Variants in PRKCB observed in about 807,000 individuals in gnomAD.
PRKCB encodes protein kinase C beta type.
A neutral mutation model predicts 81.5 loss-of-function variants in PRKCB; 13 were observed. The ratio of observed to expected loss-of-function variants is 0.16; its 90% CI spans 0.10 to 0.25. The LOEUF (loss-of-function observed/expected upper bound fraction) is 0.25, where lower values mean the gene tolerates loss of function less well. PRKCB is among the 10% of genes least tolerant of loss of function. PRKCB has a pLI of 1.00. For missense variants in PRKCB, 509 were observed against 875.7 expected, an observed-to-expected ratio of 0.58 and a Z score of 5.29; for synonymous variants, 335 against 321.4, an observed-to-expected ratio of 1.04 and a Z score of -0.45.
At chr16:24,082,016 GT>G (rs1348248548) in intron 5 of PRKCB, among the ~76,000 whole-genome samples, 5 of 152,110 alleles carry the variant, frequency 3.3e-5, no homozygotes, top group Non-Finnish European at 4.4e-5. Context: ...TAATGAGTGA[GT>G]TTAGCTGGGT....
chr16:24,004,617 T>G (rs1032760746), intron 3 of PRKCB, among the ~76,000 whole-genome samples: 5 of 152,110 alleles, frequency 3.3e-5, no homozygotes, highest in Non-Finnish European at 7.4e-5. Context: ...ATTGCACCAC[T>G]GCACTCCAGC....
At chr16:24,137,156 T>C (rs1342256084) in intron 9 of PRKCB, among the ~76,000 whole-genome samples, 2 of 152,024 alleles carry the variant, frequency 1.3e-5, no homozygotes, top group African/African-American at 4.8e-5. Flanking sequence ...CCCAAAGTGC[T>C]GGGATTACAG....
At chr16:24,166,413 T>G (rs1249318808) in intron 10 of PRKCB, among the ~76,000 whole-genome samples, 2 of 152,210 alleles carry the variant, frequency 1.3e-5, no homozygotes, top group African/African-American at 4.8e-5. Context: ...TGCATCATAA[T>G]CTGGTCTTAC....
intron 2 of PRKCB, among the ~76,000 whole-genome samples, chr16:23,843,790 CAAAAAAAAAAAAAA>C (rs544908905): frequency 1.8e-5 from 2 of 113,884 alleles, no homozygotes; most frequent in Non-Finnish European, 1.7e-5. Context: ...GTATCTAGGC[CAAAAAAAAAAAAAA>C]AAAAAAAAAA....
chr16:23,962,188 C>A (rs895020089), intron 2 of PRKCB, among the ~76,000 whole-genome samples: 1 of 152,148 alleles, frequency 6.6e-6, no homozygotes, highest in African/African-American at 2.4e-5. Context: ...CTCCTTTCCC[C>A]CACCCTCTAG....
At chr16:23,839,074 T>G (rs895165223) in intron 2 of PRKCB, among the ~76,000 whole-genome samples, 5 of 152,182 alleles carry the variant, frequency 3.3e-5, no homozygotes, top group Admixed American at 2.6e-4. Context: ...TTTTTAAACA[T>G]TTTTACCACG....
At chr16:24,048,739 C>T (rs1326065646) in intron 5 of PRKCB, among the ~76,000 whole-genome samples, 1 of 152,116 alleles carries the variant, frequency 6.6e-6, no homozygotes. Flanking sequence ...ACCTCGGCCC[C>T]CCAAAGTGCT....
chr16:23,907,792 G>A (rs559596005), intron 2 of PRKCB, among the ~76,000 whole-genome samples: 1 of 152,286 alleles, frequency 6.6e-6, no homozygotes, highest in Admixed American at 6.5e-5. Context: ...AGCCCTACAG[G>A]TGAATCTTGC....
At chr16:24,008,301 G>C (rs1347888760) in intron 3 of PRKCB, among the ~76,000 whole-genome samples, 1 of 152,216 alleles carries the variant, frequency 6.6e-6, no homozygotes, top group African/African-American at 2.4e-5. Context: ...GAAGCAGGCA[G>C]CTTTCTTCCC....
chr16:23,879,150 C>A (rs537945795), intron 2 of PRKCB, among the ~76,000 whole-genome samples: 39 of 151,722 alleles, frequency 2.6e-4, no homozygotes, highest in African/African-American at 8.7e-4. Flanking sequence ...TGCACTCCAG[C>A]CTGGGCGACA....
At chr16:23,986,776 T>A (rs1361869001) in intron 2 of PRKCB, among the ~76,000 whole-genome samples, 2 of 152,144 alleles carry the variant, frequency 1.3e-5, no homozygotes, top group Admixed American at 1.3e-4. Flanking sequence ...ATTAAACATA[T>A]ATAAAAGTAA....
At chr16:23,995,861 C>T (rs1964949058) in intron 3 of PRKCB, among the ~76,000 whole-genome samples, 1 of 152,166 alleles carries the variant, frequency 6.6e-6, no homozygotes, top group African/African-American at 2.4e-5. Flanking sequence ...ACCCAGTTTA[C>T]AGATGTTTCT....
At chr16:23,914,992 G>T (rs1319603935) in intron 2 of PRKCB, among the ~76,000 whole-genome samples, 1 of 152,190 alleles carries the variant, frequency 6.6e-6, no homozygotes, top group Non-Finnish European at 1.5e-5. Context: ...GATGGATGGG[G>T]GCTGTGAAGC....
chr16:24,182,524 A>AAAAG lies in PRKCB; in HGVS notation c.1533+1617_1533+1620dup, dbSNP rs553167088. 1.9e-3 allele frequency among the ~76,000 whole-genome samples: 292 copies of AAAAG among 152,206 alleles called. 4 individuals are homozygous for AAAAG. In the East Asian group the frequency reaches 0.033, roughly 17 times the overall value. ...CGACTGAGCGAGACTCTGTCTCAAA[A>AAAAG]AAAGAAAGAAAGAAAGAAAGAAAGT... is the stretch of plus-strand genomic sequence containing the variant. On this transcript the variant is annotated intron_variant, in intron 13 of 16. Transcript: ENST00000643927.
At chr16:23,972,785 G>A (rs1419307953) in intron 2 of PRKCB, among the ~76,000 whole-genome samples, 3 of 152,168 alleles carry the variant, frequency 2.0e-5, no homozygotes, top group African/African-American at 2.4e-5. Flanking sequence ...CAACCAATCA[G>A]CCAATTAAAT....
intron 2 of PRKCB, among the ~76,000 whole-genome samples, chr16:23,880,341 G>C (rs1963085988): frequency 6.6e-6 from 1 of 152,190 alleles, no homozygotes; most frequent in African/African-American, 2.4e-5. Flanking sequence ...GCCCACACTA[G>C]CACCTGAAAG....
At chr16:24,102,804 T>C (rs1370366654) in intron 7 of PRKCB, among the ~76,000 whole-genome samples, 1 of 152,242 alleles carries the variant, frequency 6.6e-6, no homozygotes, top group East Asian at 1.9e-4. Flanking sequence ...AGGTTTATTT[T>C]GTGTTTGGCT....
intron 2 of PRKCB, among the ~76,000 whole-genome samples, chr16:23,856,348 T>C (rs577036793): frequency 6.6e-6 from 1 of 152,304 alleles, no homozygotes; most frequent in Non-Finnish European, 1.5e-5. Flanking sequence ...CTGTATCAGA[T>C]TGCAGCCCCA....
intron 2 of PRKCB, among the ~76,000 whole-genome samples, chr16:23,894,736 A>T (rs746940808): frequency 2.6e-5 from 4 of 152,194 alleles, no homozygotes; most frequent in Non-Finnish European, 5.9e-5. Context: ...ACCTGAAGCA[A>T]TGTGGTACCT....
Sources: allele counts gnomAD v4.1 joint callset (sites outside exome capture counted in the v4.1 genomes callset), GRCh38; gene constraint gnomAD v4.1.1; transcripts MANE v1.5; gene names NCBI Gene and HGNC (gene_info 2026-07-23, HGNC 2026-07-21).